ZCWPW2: variants seen among roughly 807,000 people sequenced by gnomAD.
ZCWPW2 encodes zinc finger CW-type PWWP domain protein 2.
In ZCWPW2, 45 loss-of-function variants were observed where a neutral mutation model predicts 46.6. The observed-to-expected ratio is 0.96, with a 90% confidence interval of 0.76 to 1.24. ZCWPW2 has a LOEUF of 1.24. ZCWPW2 is among the 50% of genes most tolerant of loss of function. ZCWPW2 has a pLI of 0.00. For missense variants in ZCWPW2, 429 were observed against 403.9 expected (o/e 1.06, Z -0.53); for synonymous variants, 152 against 137.1 (o/e 1.11, Z -0.76).
chr3:28,491,583 T>C (rs1358856317), intron 5 of ZCWPW2, among the ~76,000 whole-genome samples: 4 of 151,970 alleles, frequency 2.6e-5, no homozygotes, highest in East Asian at 3.9e-4. Context: ...GCAGACATTC[T>C]GGAAAAATTA....
chr3:28,453,843 TTTATTATTA>T (rs1047185897), intron 4 of ZCWPW2, among the ~76,000 whole-genome samples: 2 of 148,258 alleles, frequency 1.3e-5, no homozygotes, highest in Admixed American at 6.7e-5. Context: ...TTTTATTTTT[TTTATTATTA>T]TTTTTTTTTT....
intron 2 of ZCWPW2, among the ~76,000 whole-genome samples, chr3:28,392,848 T>A (rs905818206): frequency 6.7e-6 from 1 of 149,654 alleles, no homozygotes; most frequent in South Asian, 2.1e-4. Flanking sequence ...AATACATACA[T>A]GAAGAAAAAT....
chr3:28,430,881 C>T (rs1359027408), intron 3 of ZCWPW2, among the ~76,000 whole-genome samples: 2 of 152,144 alleles, frequency 1.3e-5, no homozygotes, highest in Non-Finnish European at 2.9e-5. Flanking sequence ...TGTAAGTTTC[C>T]TAAGGCCTCC....
chr3:28,400,860 C>A lies in ZCWPW2; in HGVS notation c.-14+10243C>A, dbSNP rs147583527. Among the ~76,000 whole-genome samples, 387 of 152,170 alleles carry A rather than the reference C, an allele frequency of 2.5e-3. 1 individual carries two copies. Among genetic ancestry groups the A allele is most frequent in the African/African-American group, 8.5e-3 (351 of 41,518 alleles). On this transcript the variant is annotated intron_variant, in intron 2 of 9. Transcript: ENST00000383768. Reference sequence around the variant, plus strand: ...CTCTTTAAAGCATAAATTTCACAGGCTCTATAAAATAAAAATACAGCTTAA... The same window carrying A: ...CTCTTTAAAGCATAAATTTCACAGGATCTATAAAATAAAAATACAGCTTAA...
In ZCWPW2 at chr3:28,356,049, A is replaced by G. The variant is rs1704718403; in HGVS notation, c.-134+6846A>G. Among the ~76,000 whole-genome samples, 4 of 152,228 alleles carry G rather than the reference A, an allele frequency of 2.6e-5. No homozygotes were observed. The South Asian group carries it at 8.3e-4, about 31-fold the overall frequency. ...CTGCACAGCAAAAGAAACTACCATC[A>G]CAGTGAATGGGAGAAACCTACAGAA... On this transcript the variant is annotated intron_variant, in intron 1 of 9. Transcript: ENST00000383768.
In ZCWPW2 at chr3:28,349,201, T is replaced by C. The variant is rs974398413; in HGVS notation, c.-136T>C. ...CCAGGAGGCGGAGGCGGAGTGGAGTTAGGTAAGAGCGTTACCAGCCGTCTT... is the reference window on the plus strand; with the variant it reads ...CCAGGAGGCGGAGGCGGAGTGGAGTCAGGTAAGAGCGTTACCAGCCGTCTT... On this transcript the variant is annotated splice_region_variant and 5_prime_UTR_variant, in exon 1 of 10. Transcript: ENST00000383768. The C allele has an allele frequency of 2.0e-6, 2 of 985,484 alleles. No homozygotes were observed. The highest frequency in any genetic ancestry group is 2.4e-6 in the Non-Finnish European group (2 of 830,060). 61.0% of individuals were successfully genotyped at this position (985,484 alleles called of 1,614,324 possible).
At position 28,369,997 on chromosome 3, in the gene ZCWPW2, C is replaced by A. The variant is rs115998351; in HGVS notation, c.-133-20501C>A. On this transcript the variant is annotated intron_variant, in intron 1 of 9. Transcript: ENST00000383768. ...TCTCCTGGTGTGCTGTTTGCTAATA[C>A]CGTTGGAAAAGTGCAGCATTAGGGT... 7.5e-3 allele frequency among the ~76,000 whole-genome samples: 1,147 copies of A among 152,332 alleles called. 17 individuals carry two copies. The highest frequency in any genetic ancestry group is 0.026 in the African/African-American group (1,083 of 41,558).
At chr3:28,372,854 T>G (rs941206439) in intron 1 of ZCWPW2, among the ~76,000 whole-genome samples, 2 of 152,194 alleles carry the variant, frequency 1.3e-5, no homozygotes, top group African/African-American at 4.8e-5. Context: ...TAGCTGTCAC[T>G]TACAAGCGAG....
At chr3:28,409,000 T>A (rs1022510262) in intron 2 of ZCWPW2, among the ~76,000 whole-genome samples, 2 of 152,100 alleles carry the variant, frequency 1.3e-5, no homozygotes, top group African/African-American at 2.4e-5. Context: ...AGATGAAGAA[T>A]TAAATAAATA....
chr3:28,352,392 T>A (rs1307615610), intron 1 of ZCWPW2, among the ~76,000 whole-genome samples: 1 of 152,210 alleles, frequency 6.6e-6, no homozygotes, highest in Non-Finnish European at 1.5e-5. Context: ...TTCCTAAGAT[T>A]GATCTTCCTC....
intron 1 of ZCWPW2, among the ~76,000 whole-genome samples, chr3:28,365,045 T>C (rs1231184999): frequency 6.6e-6 from 1 of 152,052 alleles, no homozygotes. Flanking sequence ...TTCTGGATAT[T>C]AGCCCTTTGT....
At chr3:28,442,111 ACT>A (rs1485725705) in intron 4 of ZCWPW2, among the ~76,000 whole-genome samples, 2 of 152,300 alleles carry the variant, frequency 1.3e-5, no homozygotes, top group East Asian at 3.9e-4. Context: ...TCTGGACCAC[ACT>A]CAAAACTGAG....
chr3:28,436,951 A>G (rs1697524749), intron 4 of ZCWPW2, among the ~76,000 whole-genome samples: 2 of 152,204 alleles, frequency 1.3e-5, no homozygotes, highest in Non-Finnish European at 2.9e-5. Context: ...TGGAGATTGT[A>G]TTGACTCCAA....
At chr3:28,446,009 A>C (rs1018779691) in intron 4 of ZCWPW2, among the ~76,000 whole-genome samples, 2 of 152,146 alleles carry the variant, frequency 1.3e-5, no homozygotes, top group Non-Finnish European at 2.9e-5. Context: ...CTGTTAAAAG[A>C]TTATTAAAAC....
chr3:28,506,549 T>A (rs1255600341), intron 6 of ZCWPW2, among the ~76,000 whole-genome samples: 1 of 152,000 alleles, frequency 6.6e-6, no homozygotes, highest in African/African-American at 2.4e-5. Context: ...CCCAAAAAGA[T>A]ATATCCATCT....
chr3:28,434,392 G>A (rs1409437677), intron 3 of ZCWPW2, among the ~76,000 whole-genome samples: 1 of 152,174 alleles, frequency 6.6e-6, no homozygotes, highest in African/African-American at 2.4e-5. Flanking sequence ...ATGGGTAAAA[G>A]TGGGAAATGA....
intron 4 of ZCWPW2, among the ~76,000 whole-genome samples, chr3:28,454,888 A>T (rs1461746286): frequency 1.3e-5 from 2 of 152,158 alleles, no homozygotes; most frequent in Non-Finnish European, 2.9e-5. Flanking sequence ...TCTATCATTG[A>T]TGGGCATCCA....
chr3:28,403,003 A>C (rs968645054), intron 2 of ZCWPW2, among the ~76,000 whole-genome samples: 1 of 152,092 alleles, frequency 6.6e-6, no homozygotes, highest in Non-Finnish European at 1.5e-5. Flanking sequence ...AAGGATGCCC[A>C]CTCTCACCAC....
At chr3:28,448,669 G>A (rs1288237632) in intron 4 of ZCWPW2, among the ~76,000 whole-genome samples, 2 of 150,626 alleles carry the variant, frequency 1.3e-5, no homozygotes, top group Non-Finnish European at 1.5e-5. Context: ...CCTATAATAC[G>A]AGCTACCCGA....
Sources: gnomAD v4.1 joint callset for allele counts (sites outside exome capture counted in the v4.1 genomes callset) on GRCh38, gnomAD v4.1.1 for gene constraint, MANE v1.5 for transcripts, NCBI Gene and HGNC (gene_info 2026-07-23, HGNC 2026-07-21) for gene names.